ADCY2: variants seen among roughly 807,000 people sequenced by gnomAD.
ADCY2 encodes the protein adenylate cyclase type 2.
A neutral mutation model predicts 125.2 loss-of-function variants in ADCY2; 31 were observed. The ratio of observed to expected loss-of-function variants is 0.25; its 90% confidence interval spans 0.19 to 0.33. The LOEUF (loss-of-function observed/expected upper bound fraction) is 0.33. Ranked by LOEUF, ADCY2 falls within the 10% of genes least tolerant of loss-of-function variation. The probability of loss-of-function intolerance (pLI) is 1.00; values close to 1 mark genes in which losing one functional copy is unlikely to be tolerated. For missense variants in ADCY2, 904 were observed against 1,418.2 expected (o/e 0.64, Z 5.82); for synonymous variants, 512 against 548.4 (o/e 0.93, Z 0.93).
chr5:7,698,622 G>A (rs549089665), intron 7 of ADCY2, among the ~76,000 whole-genome samples: 2 of 152,190 alleles, frequency 1.3e-5, no homozygotes, highest in African/African-American at 4.8e-5. Flanking sequence ...CCACTTATGA[G>A]TGAGAACATG....
chr5:7,771,999 C>T (rs1054005640), intron 17 of ADCY2, among the ~76,000 whole-genome samples: 2 of 152,180 alleles, frequency 1.3e-5, no homozygotes, highest in African/African-American at 4.8e-5. Flanking sequence ...GAGGATGGCA[C>T]CTGTTTCCCT....
chr5:7,774,234 A>G lies in ADCY2; in HGVS notation c.2384+1133A>G, dbSNP rs113402285. Among the ~76,000 whole-genome samples the G allele has an allele frequency of 5.6e-3, 855 of 152,294 alleles. 8 individuals are homozygous for G. Among genetic ancestry groups the G allele is most frequent in the African/African-American group, 0.019 (800 of 41,548 alleles). ...CTTTTCACCTAATTTAATTTTCATC[A>G]TCTTCCACACGATGAAACTCTACTA... On this transcript the variant is annotated intron_variant, in intron 18 of 24. Coordinates refer to ENST00000338316, the MANE Select transcript of ADCY2 (RefSeq NM_020546.3).
At chr5:7,565,894 G>A (rs1735877989) in intron 3 of ADCY2, among the ~76,000 whole-genome samples, 1 of 152,092 alleles carries the variant, frequency 6.6e-6, no homozygotes, top group Non-Finnish European at 1.5e-5. Flanking sequence ...TTTGACCATG[G>A]GAACTTTTTC....
chr5:7,608,368 G>A (rs984829853), intron 3 of ADCY2, among the ~76,000 whole-genome samples: 2 of 152,124 alleles, frequency 1.3e-5, no homozygotes, highest in Non-Finnish European at 2.9e-5. Flanking sequence ...GATTGCTTGA[G>A]CTCAAGAGAT....
intron 2 of ADCY2, among the ~76,000 whole-genome samples, chr5:7,447,910 A>C (rs112591283): frequency 0.019 from 2,873 of 152,316 alleles, 94 homozygotes; most frequent in African/African-American, 0.065. Flanking sequence ...ATGGGGCTGC[A>C]GAAGCTTTTC....
At chr5:7,541,062 G>A (rs530733973) in intron 3 of ADCY2, among the ~76,000 whole-genome samples, 6 of 152,026 alleles carry the variant, frequency 3.9e-5, no homozygotes, top group Admixed American at 1.3e-4. Context: ...TCGGCACAGC[G>A]TATCAGCTAC....
chr5:7,581,646 C>T (rs1048877431), intron 3 of ADCY2, among the ~76,000 whole-genome samples: 9 of 143,976 alleles, frequency 6.3e-5, no homozygotes, highest in Admixed American at 2.1e-4. Flanking sequence ...GGTGAATCCC[C>T]ATCTCTACTA....
rs555763099 is a variant in ADCY2, at chr5:7,651,508, C to T, written c.720+25192C>T. Among the ~76,000 whole-genome samples the T allele has an allele frequency of 2.7e-4, 41 of 152,208 alleles. No individual in the cohort carries two copies. In the South Asian group the frequency reaches 4.4e-3, roughly 16 times the overall value. ...GTCCGATGTCCGAGGGCAGGAAGCA[C>T]GAGAAAAAGATGAGGCTGGAAGACT... On this transcript the variant is annotated intron_variant, in intron 4 of 24. Transcript: ENST00000338316.
At chr5:7,420,717 GT>G (rs1288011791) in intron 2 of ADCY2, among the ~76,000 whole-genome samples, 1 of 152,198 alleles carries the variant, frequency 6.6e-6, no homozygotes, top group Non-Finnish European at 1.5e-5. Flanking sequence ...AACCTGCAGA[GT>G]TTCTGGCTCC....
intron 2 of ADCY2, among the ~76,000 whole-genome samples, chr5:7,483,688 G>C (rs1242926281): frequency 1.3e-5 from 2 of 152,150 alleles, no homozygotes; most frequent in Non-Finnish European, 2.9e-5. Flanking sequence ...ACATTTTAGA[G>C]GGGCTGCCTT....
intron 2 of ADCY2, among the ~76,000 whole-genome samples, chr5:7,511,347 G>A (rs1298802524): frequency 6.6e-6 from 1 of 152,184 alleles, no homozygotes; most frequent in South Asian, 2.1e-4. Flanking sequence ...AGGCCGAGAT[G>A]GGCAGATCAC....
At chr5:7,455,645 A>G (rs2126428354) in intron 2 of ADCY2, among the ~76,000 whole-genome samples, 1 of 147,990 alleles carries the variant, frequency 6.8e-6, no homozygotes, top group African/African-American at 2.4e-5. Context: ...TATATACTGT[A>G]TATATTATAT....
At chr5:7,632,648 C>A (rs1738356306) in intron 4 of ADCY2, among the ~76,000 whole-genome samples, 2 of 152,126 alleles carry the variant, frequency 1.3e-5, no homozygotes, top group South Asian at 4.1e-4. Context: ...CTATTCCAAT[C>A]CATCGGAATG....
chr5:7,563,382 G>A (rs1735786194), intron 3 of ADCY2, among the ~76,000 whole-genome samples: 1 of 152,202 alleles, frequency 6.6e-6, no homozygotes, highest in Admixed American at 6.5e-5. Flanking sequence ...CATACCCTGA[G>A]GCGCCCCTGA....
chr5:7,495,542 T>C (rs10512926), intron 2 of ADCY2, among the ~76,000 whole-genome samples: 13,010 of 152,312 alleles, frequency 0.085, 763 homozygotes, highest in Non-Finnish European at 0.13. Flanking sequence ...AGGATAGTTA[T>C]TTTTGCACAA....
intron 16 of ADCY2, among the ~76,000 whole-genome samples, chr5:7,765,612 A>G (rs901722465): frequency 5.3e-5 from 8 of 152,204 alleles, no homozygotes; most frequent in African/African-American, 1.9e-4. Flanking sequence ...TATCTGTCCA[A>G]ATAAATTAGT....
intron 20 of ADCY2, chr5:7,801,721 T>A (rs1199369528): frequency 2.6e-5 from 4 of 153,898 alleles, no homozygotes; most frequent in Non-Finnish European, 5.8e-5. Flanking sequence ...TATAAATAAG[T>A]AGACTGAGGA....
chr5:7,461,069 C>T (rs1741899609), intron 2 of ADCY2, among the ~76,000 whole-genome samples: 1 of 152,172 alleles, frequency 6.6e-6, no homozygotes, highest in Non-Finnish European at 1.5e-5. Flanking sequence ...TTGCTGTCCA[C>T]TGCCCCCATT....
intron 3 of ADCY2, among the ~76,000 whole-genome samples, chr5:7,577,299 A>C (rs892443391): frequency 6.6e-6 from 1 of 152,208 alleles, no homozygotes; most frequent in African/African-American, 2.4e-5. Flanking sequence ...AAAAAAAGTA[A>C]GATAGTCTTA....
Sources: gnomAD v4.1 joint callset for allele counts (sites outside exome capture counted in the v4.1 genomes callset) on GRCh38, gnomAD v4.1.1 for gene constraint, MANE v1.5 for transcripts, NCBI Gene and HGNC (gene_info 2026-07-23, HGNC 2026-07-21) for gene names.